Variants in NWD2 observed in about 807,000 individuals in gnomAD.
The protein encoded by NWD2 is NACHT and WD repeat domain containing 2.
Under a neutral mutation model 132.7 loss-of-function variants are expected in NWD2, and 37 were observed. That is an observed-to-expected ratio of 0.28 (90% CI 0.21 to 0.37). The LOEUF (loss-of-function observed/expected upper bound fraction) is 0.37. Ranked by LOEUF, NWD2 falls within the 10% of genes least tolerant of loss-of-function variation. The probability of loss-of-function intolerance (pLI) is 1.00; values close to 1 mark genes in which losing one functional copy is unlikely to be tolerated. For synonymous variants in NWD2, 705 were observed against 803.0 expected, an observed-to-expected ratio of 0.88 and a Z score of 2.06; for missense variants, 1,592 against 2,122.4, an observed-to-expected ratio of 0.75 and a Z score of 4.91.
At chr4:37,250,985 G>A (rs778074574) in intron 1 of NWD2, among the ~76,000 whole-genome samples, 2 of 152,206 alleles carry the variant, frequency 1.3e-5, no homozygotes, top group African/African-American at 4.8e-5. Flanking sequence ...CATAGTAAAG[G>A]TACCGTTGGC....
At chr4:37,309,878 C>T (rs1294973794) in intron 1 of NWD2, among the ~76,000 whole-genome samples, 1 of 152,216 alleles carries the variant, frequency 6.6e-6, no homozygotes, top group Non-Finnish European at 1.5e-5. Flanking sequence ...GCATGCAATT[C>T]ACCATGTAGT....
At chr4:37,346,749 T>C (rs921576741) in intron 2 of NWD2, among the ~76,000 whole-genome samples, 1 of 152,160 alleles carries the variant, frequency 6.6e-6, no homozygotes, top group African/African-American at 2.4e-5. Flanking sequence ...AATTTATTCC[T>C]AAGTTTTCTT....
intron 1 of NWD2, among the ~76,000 whole-genome samples, chr4:37,253,033 A>G (rs1327143131): frequency 7.1e-6 from 1 of 141,216 alleles, no homozygotes; most frequent in East Asian, 2.4e-4. Flanking sequence ...AGTTTCTTTG[A>G]CCTCCCTTTG....
At chr4:37,316,777 C>T (rs1395706907) in intron 1 of NWD2, among the ~76,000 whole-genome samples, 1 of 152,070 alleles carries the variant, frequency 6.6e-6, no homozygotes, top group Non-Finnish European at 1.5e-5. Context: ...GACATTTTTT[C>T]TGTGTCACAT....
Position 37,439,471 on chromosome 4 carries a change from C to G in NWD2, c.1296+81C>G. The stretch of plus-strand genomic sequence containing the variant: ...GGTAAATTAATCAAATTCATTTCTA[C>G]TTTCTGAGTTTACTATGTGAATTAT... On this transcript the variant is annotated intron_variant, in intron 6 of 6. Coordinates refer to ENST00000309447, the MANE Select transcript of NWD2 (RefSeq NM_001144990.2). The surrounding 1 kb of genome is among the most constrained non-coding windows in gnomAD (Gnocchi z 4.5). 8 of 985,898 alleles carry G rather than the reference C, an allele frequency of 8.1e-6. No homozygotes were observed. The highest frequency in any genetic ancestry group is 1.1e-5 in the Non-Finnish European group (8 of 697,856). The allele number at this position is 985,898 out of a possible 1,614,324, so 61.1% of individuals were successfully genotyped here.
rs1712223538 is a variant in NWD2 at position 37,433,106 on chromosome 4, C to T, written c.562-770C>T. ...AGAATCCTTGATTTTTCTTCTTCTC[C>T]CTCACATATATTATTCAAAGTAATT... On this transcript the variant is annotated intron_variant, in intron 4 of 6. Coordinates refer to ENST00000309447, the MANE Select transcript of NWD2 (RefSeq NM_001144990.2). Among the ~76,000 whole-genome samples, 10 of 152,100 alleles carry T rather than the reference C, an allele frequency of 6.6e-5. No homozygotes were observed. The South Asian group carries it at 2.1e-3, about 32-fold the overall frequency.
chr4:37,317,512 G>A (rs1776545), intron 1 of NWD2, among the ~76,000 whole-genome samples: 7,208 of 152,194 alleles, frequency 0.047, 499 homozygotes, highest in African/African-American at 0.15. Flanking sequence ...CTTCTCTGGC[G>A]ATGATGTTGA....
chr4:37,444,763 G>A lies in NWD2; in HGVS notation c.2775G>A (p.Leu925=), dbSNP rs764641204. The A allele has an allele frequency of 1.6e-4, 248 of 1,551,802 alleles. No individual in the cohort carries two copies. The highest frequency in any genetic ancestry group is 1.5e-4 in the Non-Finnish European group (168 of 1,147,050). The change falls in exon 7 of 7, where the codon CTG becomes CTA. Residue 925 remains leucine, a synonymous_variant. Transcript: ENST00000309447. The surrounding 1 kb of genome is among the most constrained non-coding windows in gnomAD (Gnocchi z 4.8). Reference sequence around the variant, plus strand: ...GACTGCTGCCTGTTGTAAGCTCCCTGCCCAAACTTAGACATCTTCTTTTAG... The same window carrying A: ...GACTGCTGCCTGTTGTAAGCTCCCTACCCAAACTTAGACATCTTCTTTTAG... The part of the protein sequence containing the change: ...QQRLLPVVSS[L]PKLRHLLLEC...
At chr4:37,338,523 G>A (rs1004215343) in intron 2 of NWD2, among the ~76,000 whole-genome samples, 13 of 152,212 alleles carry the variant, frequency 8.5e-5, no homozygotes, top group African/African-American at 3.1e-4. Flanking sequence ...AGAACTAAAA[G>A]TTCACTTTAT....
chr4:37,324,036 C>G (rs1449028482), intron 1 of NWD2, among the ~76,000 whole-genome samples: 1 of 152,060 alleles, frequency 6.6e-6, no homozygotes, highest in Non-Finnish European at 1.5e-5. Context: ...CTGTGGACAG[C>G]TAGTGGCGAG....
chr4:37,289,421 A>G (rs1016573687), intron 1 of NWD2, among the ~76,000 whole-genome samples: 5 of 152,224 alleles, frequency 3.3e-5, no homozygotes, highest in African/African-American at 1.2e-4. Flanking sequence ...AAATTACAGG[A>G]AAGTTGAAAG....
chr4:37,360,594 C>CA (rs1317709891), intron 3 of NWD2, among the ~76,000 whole-genome samples: 2 of 152,160 alleles, frequency 1.3e-5, no homozygotes, highest in African/African-American at 4.8e-5. Flanking sequence ...AGCTGAGTAA[C>CA]AAAATCATCT....
rs1270219805 is a variant in NWD2, at chr4:37,326,027, A to G, written c.240+3A>G. 6.7e-7 allele frequency: 1 copy of G among 1,495,124 alleles called. No individual in the cohort carries two copies. Among genetic ancestry groups the G allele is most frequent in the East Asian group, 2.5e-5 (1 of 40,546 alleles). 92.6% of individuals were successfully genotyped at this position (1,495,124 alleles called of 1,614,324 possible). On this transcript the variant is annotated splice_donor_region_variant and intron_variant, in intron 2 of 6. Coordinates refer to ENST00000309447, the MANE Select transcript of NWD2 (RefSeq NM_001144990.2). ...AAAACTATGGATTGGAATTTCAGGT[A>G]ATTCTAGTGTTAATTTCATTCACAG...
At chr4:37,260,219 C>A (rs576069869) in intron 1 of NWD2, among the ~76,000 whole-genome samples, 2 of 152,244 alleles carry the variant, frequency 1.3e-5, no homozygotes, top group East Asian at 3.9e-4. Flanking sequence ...GGGAAGAGGG[C>A]ATGAAATGGA....
chr4:37,384,242 A>C (rs575708570), intron 3 of NWD2, among the ~76,000 whole-genome samples: 5 of 152,154 alleles, frequency 3.3e-5, no homozygotes, highest in African/African-American at 1.2e-4. Flanking sequence ...TCTTTTCTTT[A>C]GCTTTTAATC....
rs150730814 is a variant in NWD2, at chr4:37,368,001, T to C, written c.357+11519T>C. Among the ~76,000 whole-genome samples the C allele has an allele frequency of 2.5e-4, 38 of 152,182 alleles. No individual in the cohort carries two copies. The East Asian group carries it at 7.3e-3, about 29-fold the overall frequency. On this transcript the variant is annotated intron_variant, in intron 3 of 6. Coordinates refer to ENST00000309447, the MANE Select transcript of NWD2 (RefSeq NM_001144990.2). ...CCTGTCTGTTCTTTATCTACCGAAG[T>C]AGAGGGATTGAACTATAAGGTCCTG...
At chr4:37,379,532 C>T (rs556930296) in intron 3 of NWD2, among the ~76,000 whole-genome samples, 52 of 152,034 alleles carry the variant, frequency 3.4e-4, no homozygotes, top group Admixed American at 2.1e-3. Context: ...TTATTTAATC[C>T]TCTAAATACC....
At chr4:37,329,703 A>G (rs888895479) in intron 2 of NWD2, among the ~76,000 whole-genome samples, 4 of 152,336 alleles carry the variant, frequency 2.6e-5, no homozygotes, top group Non-Finnish European at 4.4e-5. Flanking sequence ...ATGAGACCTC[A>G]TGGGCCAAGA....
At chr4:37,410,519 A>G (rs760991422) in intron 3 of NWD2, among the ~76,000 whole-genome samples, 2 of 152,202 alleles carry the variant, frequency 1.3e-5, no homozygotes, top group African/African-American at 4.8e-5. Context: ...AGACACCTAC[A>G]AAGAGACTTA....
Sources: allele counts gnomAD v4.1 joint callset (sites outside exome capture counted in the v4.1 genomes callset), GRCh38; gene constraint gnomAD v4.1.1; non-coding constraint Gnocchi (gnomAD v3.1); transcripts MANE v1.5; gene names NCBI Gene and HGNC (gene_info 2026-07-23, HGNC 2026-07-21).